Variants in HIVEP1 observed in about 807,000 individuals in gnomAD.
HIVEP1 encodes zinc finger protein 40.
Under a neutral mutation model 180.0 loss-of-function variants are expected in HIVEP1, and 36 were observed. The observed-to-expected ratio is 0.20, with a 90% CI of 0.15 to 0.26. The LOEUF (loss-of-function observed/expected upper bound fraction) is 0.26. Ranked by LOEUF, HIVEP1 falls within the 10% of genes least tolerant of loss-of-function variation. The pLI, the probability that HIVEP1 is intolerant of heterozygous loss-of-function variation, is 1.00. For synonymous variants in HIVEP1, 1,239 were observed against 1,239.0 expected, an observed-to-expected ratio of 1.00 and a Z score of 0.00; for missense variants, 3,143 against 3,268.7, an observed-to-expected ratio of 0.96 and a Z score of 0.94.
chr6:12,062,186 A>G (rs1771282355), intron 2 of HIVEP1, among the ~76,000 whole-genome samples: 1 of 152,162 alleles, frequency 6.6e-6, no homozygotes, highest in Non-Finnish European at 1.5e-5. Context: ...AAATTTGTAG[A>G]ATGTTCAGAT....
chr6:12,016,953 C>T (rs1288333872), intron 2 of HIVEP1, among the ~76,000 whole-genome samples: 1 of 152,190 alleles, frequency 6.6e-6, no homozygotes, highest in Non-Finnish European at 1.5e-5. Flanking sequence ...TTCTAGTTTG[C>T]ACAAGTGCAG....
chr6:12,135,039 A>G (rs1377742617), intron 6 of HIVEP1, among the ~76,000 whole-genome samples: 2 of 152,208 alleles, frequency 1.3e-5, no homozygotes, highest in African/African-American at 4.8e-5. Flanking sequence ...ACAGATACTA[A>G]CAAAAAAATT....
chr6:12,164,271 A>G lies in HIVEP1; in HGVS notation c.7967A>G (p.Gln2656Arg), dbSNP rs997156977. 6.2e-7 allele frequency: 1 copy of G among 1,614,114 alleles called. No individual in the cohort carries two copies. The highest frequency in any genetic ancestry group is 2.2e-5 in the East Asian group (1 of 44,870). ...CCTGAACTCACTTCCATACAGGGCC[A>G]ACCAGCGTCCACGTCACAACCTCTG... ...PKPELTSIQGQPASTSQPLLK... is the reference protein window; with the variant it reads ...PKPELTSIQGRPASTSQPLLK... The change falls in exon 9 of 9, where the codon CAA (glutamine) becomes CGA (arginine). Residue 2656 changes from glutamine to arginine, a missense_variant. Gln to Arg is a conservative substitution (Grantham distance 43, BLOSUM62 1). This residue lies in a region of HIVEP1 where 595 missense variants were observed against 602.2 expected (regional missense o/e 0.99). Coordinates refer to ENST00000379388, the MANE Select transcript of HIVEP1 (RefSeq NM_002114.4).
At chr6:12,197,445 G>T in the HIVEP1 span, among the ~76,000 whole-genome samples, 7 of 151,542 alleles carry the variant, frequency 4.6e-5, no homozygotes, top group African/African-American at 1.7e-4. Flanking sequence ...TGTAATCCCA[G>T]CTACTCGGGA....
chr6:12,166,748 T>C (rs995008582), downstream of HIVEP1, among the ~76,000 whole-genome samples: 12 of 152,332 alleles, frequency 7.9e-5, no homozygotes, highest in Non-Finnish European at 5.9e-5. Context: ...TGGGACTACA[T>C]TTGACTTTTA....
intron 7 of HIVEP1, among the ~76,000 whole-genome samples, chr6:12,146,024 T>A (rs1759354305): frequency 6.6e-6 from 1 of 152,240 alleles, no homozygotes; most frequent in African/African-American, 2.4e-5. Context: ...CTTCATATGT[T>A]TGAGCCTTGA....
chr6:12,061,291 T>A (rs1771214400), intron 2 of HIVEP1, among the ~76,000 whole-genome samples: 1 of 152,256 alleles, frequency 6.6e-6, no homozygotes, highest in Non-Finnish European at 1.5e-5. Context: ...ATGTACACCC[T>A]GGTTATAAAA....
chr6:12,106,184 T>C (rs1056089436), intron 3 of HIVEP1, among the ~76,000 whole-genome samples: 2 of 152,036 alleles, frequency 1.3e-5, no homozygotes, highest in African/African-American at 2.4e-5. Context: ...ATCTTTTCCA[T>C]GAAGCTGTCT....
chr6:12,045,860 G>A (rs962340969), intron 2 of HIVEP1, among the ~76,000 whole-genome samples: 2 of 152,108 alleles, frequency 1.3e-5, no homozygotes, highest in East Asian at 1.9e-4. Context: ...TGATAATAAC[G>A]AATAGTCCCA....
intron 2 of HIVEP1, among the ~76,000 whole-genome samples, chr6:12,042,947 A>AGGTTAT (rs1271301349): frequency 6.6e-6 from 1 of 152,096 alleles, no homozygotes; most frequent in African/African-American, 2.4e-5. Flanking sequence ...GTATGTCATG[A>AGGTTAT]GGTTATGGAG....
chr6:12,065,843 A>C (rs1771540168), intron 2 of HIVEP1, among the ~76,000 whole-genome samples: 2 of 152,160 alleles, frequency 1.3e-5, no homozygotes, highest in Non-Finnish European at 2.9e-5. Context: ...GGCAGAGCTG[A>C]TAAACGATTA....
the HIVEP1 span, among the ~76,000 whole-genome samples, chr6:12,194,296 A>G: frequency 6.6e-6 from 1 of 152,154 alleles, no homozygotes; most frequent in African/African-American, 2.4e-5. Flanking sequence ...GAATTATATG[A>G]TATCAGATTT....
Position 12,161,753 on chromosome 6 carries a change from A to G in HIVEP1, c.6802A>G (p.Asn2268Asp). ...CCTGAGCACAGCACAGTCTGACTAC[A>G]ATAGGAAGACACTCTCTCCGGGGAA... is the stretch of plus-strand genomic sequence containing the variant. Reference protein sequence around the residue: ...TVLSTAQSDYNRKTLSPGKAR... With the variant: ...TVLSTAQSDYDRKTLSPGKAR... Residue 2268 changes from asparagine to aspartate, a missense_variant, in exon 8 of 9, where the codon AAT becomes GAT. This residue lies in a region of HIVEP1 where 595 missense variants were observed against 602.2 expected (regional missense o/e 0.99). Coordinates refer to ENST00000379388, the MANE Select transcript of HIVEP1 (RefSeq NM_002114.4). 6.2e-7 allele frequency: 1 copy of G among 1,614,148 alleles called. No homozygotes were observed. Among genetic ancestry groups the G allele is most frequent in the Non-Finnish European group, 8.5e-7 (1 of 1,180,016 alleles).
At chr6:12,056,406 C>G (rs1050020072) in intron 2 of HIVEP1, among the ~76,000 whole-genome samples, 1 of 152,108 alleles carries the variant, frequency 6.6e-6, no homozygotes, top group Non-Finnish European at 1.5e-5. Context: ...TAATGTCTTG[C>G]CACATTTGCC....
In HIVEP1 at chr6:12,042,758, T is replaced by A. The variant is rs564284802; in HGVS notation, c.40+27090T>A. ...ATTGATTCCAAAATATGTAGTTTTTTAAAAAACTTTCATATATCTGAAGTT... is the reference window on the plus strand; with the variant it reads ...ATTGATTCCAAAATATGTAGTTTTTAAAAAAACTTTCATATATCTGAAGTT... On this transcript the variant is annotated intron_variant, in intron 2 of 8. Transcript: ENST00000379388. Among the ~76,000 whole-genome samples, 81 of 152,278 alleles carry A rather than the reference T, an allele frequency of 5.3e-4. 1 individual carries two copies. The East Asian group carries it at 6.9e-3, about 13-fold the overall frequency.
At chr6:12,152,170 A>C (rs558827791) in intron 7 of HIVEP1, among the ~76,000 whole-genome samples, 1 of 152,292 alleles carries the variant, frequency 6.6e-6, no homozygotes, top group South Asian at 2.1e-4. Flanking sequence ...TCTCAAAAAA[A>C]CAAAAAAAGA....
the HIVEP1 span, among the ~76,000 whole-genome samples, chr6:12,206,450 AAC>A: frequency 6.6e-6 from 1 of 151,994 alleles, no homozygotes; most frequent in African/African-American, 2.4e-5. Context: ...GGGAAATTTG[AAC>A]ACACACACAC....
intron 2 of HIVEP1, among the ~76,000 whole-genome samples, chr6:12,049,385 G>A (rs964432): frequency 0.18 from 28,105 of 152,092 alleles, 2,586 homozygotes; most frequent in Middle Eastern, 0.24. Context: ...AAGGGGATCT[G>A]AGTGGTGTTT....
intron 7 of HIVEP1, among the ~76,000 whole-genome samples, chr6:12,145,902 A>G (rs1324782317): frequency 6.6e-6 from 1 of 152,132 alleles, no homozygotes; most frequent in Non-Finnish European, 1.5e-5. Context: ...ACTAGAAAAA[A>G]ATCTCTAAAA....
Sources: allele counts gnomAD v4.1 joint callset (sites outside exome capture counted in the v4.1 genomes callset), GRCh38; gene constraint gnomAD v4.1.1; regional missense constraint gnomAD v4.1.1; transcripts MANE v1.5; gene names NCBI Gene and HGNC (gene_info 2026-07-23, HGNC 2026-07-21).